The following MYCBP2 variants were observed in gnomAD, a reference collection of about 807,000 sequenced individuals.
MYCBP2 encodes the protein MYC binding protein 2.
In MYCBP2, 120 loss-of-function variants were observed where a neutral mutation model predicts 525.3. The observed-to-expected ratio is 0.23, with a 90% confidence interval of 0.20 to 0.27. MYCBP2 has a LOEUF of 0.27. MYCBP2 is among the 10% of genes least tolerant of loss of function. MYCBP2 has a pLI of 1.00. For synonymous variants in MYCBP2, 1,894 were observed against 1,955.8 expected (o/e 0.97, Z 0.83); for missense variants, 4,149 against 5,657.1 (o/e 0.73, Z 8.55).
In MYCBP2 at chr13:77,242,270, C is replaced by T. The variant is rs529143476; in HGVS notation, c.2629+789G>A. Among the ~76,000 whole-genome samples the T allele has an allele frequency of 1.1e-3, 165 of 152,228 alleles. 2 individuals carry two copies. The South Asian group carries it at 0.032, about 30-fold the overall frequency. On this transcript the variant is annotated intron_variant, in intron 17 of 82. Transcript: ENST00000544440. ...CTGGGACTACAGGCGCACACCACCA[C>T]GCCCAGCTAATTTTTTTGTACTTTT... is the stretch of plus-strand genomic sequence containing the variant.
chr13:77,280,646 A>C (rs994536464), intron 3 of MYCBP2, among the ~76,000 whole-genome samples: 5 of 152,344 alleles, frequency 3.3e-5, no homozygotes, highest in African/African-American at 1.2e-4. Flanking sequence ...GAACCTTGCC[A>C]GAAACAGTAA....
chr13:77,244,798 A>G (rs2154318575), intron 15 of MYCBP2, among the ~76,000 whole-genome samples: 1 of 152,290 alleles, frequency 6.6e-6, no homozygotes, highest in South Asian at 2.1e-4. Context: ...GAATCTACAA[A>G]GAACTTAAAC....
rs2061553270 is a variant in MYCBP2, at chr13:77,194,306, T to C, written c.3844-62A>G. ...AGCTATACATATCTGATGAACAATGTGTTCATAATTTTGTGCATGATGAAT... is the reference window on the plus strand; with the variant it reads ...AGCTATACATATCTGATGAACAATGCGTTCATAATTTTGTGCATGATGAAT... On this transcript the variant is annotated intron_variant, in intron 26 of 82. Transcript: ENST00000544440. 7.2e-6 allele frequency: 9 copies of C among 1,253,204 alleles called. No individual in the cohort carries two copies. The East Asian group carries it at 2.1e-4, about 29-fold the overall frequency. The allele number at this position is 1,253,204 out of a possible 1,614,324, so 77.6% of individuals were successfully genotyped here.
chr13:77,198,038 G>GA (rs916849032), intron 26 of MYCBP2, among the ~76,000 whole-genome samples: 2 of 151,282 alleles, frequency 1.3e-5, no homozygotes, highest in East Asian at 1.9e-4. Context: ...CTTAGAGCTA[G>GA]AAAAAAAAAT....
chr13:77,055,861 A>G, intron 79 of MYCBP2, 94 bp from the exon 80 acceptor site: 1 of 817,512 alleles, frequency 1.2e-6, no homozygotes, highest in Non-Finnish European at 1.9e-6. Context: ...ATTGTGCTAG[A>G]AGATAACCAG....
chr13:77,170,931 C>G (rs1431391732), intron 38 of MYCBP2, among the ~76,000 whole-genome samples: 2 of 152,020 alleles, frequency 1.3e-5, no homozygotes, highest in African/African-American at 4.8e-5. Flanking sequence ...AACTAAACAA[C>G]TAGATGGAGA....
At chr13:77,252,031 T>C (rs1294441212) in intron 14 of MYCBP2, among the ~76,000 whole-genome samples, 1 of 152,116 alleles carries the variant, frequency 6.6e-6, no homozygotes, top group Non-Finnish European at 1.5e-5. Context: ...CAGAAGTCAT[T>C]CCCTATTAAA....
Position 77,205,567 on chromosome 13 carries a change from G to C in MYCBP2, c.3621C>G (p.Asp1207Glu). 1.9e-6 allele frequency: 3 copies of C among 1,613,048 alleles called. No homozygotes were observed. In the Admixed American group the frequency reaches 5.0e-5, roughly 27 times the overall value. Residue 1207 changes from aspartate to glutamate, a missense_variant, in exon 25 of 83, where the codon GAC becomes GAG. This residue lies in a region of MYCBP2 where 620 missense variants were observed against 795.5 expected (regional missense o/e 0.78). Coordinates refer to ENST00000544440, the MANE Select transcript of MYCBP2 (RefSeq NM_015057.5). ...GCLDTLAAMQ[D>E]LKMGVASTEE... ...CTGTACTTGCAACACCCATTTTTAA[G>C]TCCTGCATAGCTGCCAAGGTATCAA...
chr13:77,065,967 C>A (rs755836711), intron 72 of MYCBP2, 25 bp downstream of exon 72: 4 of 1,581,616 alleles, frequency 2.5e-6, no homozygotes, highest in South Asian at 1.1e-5. Context: ...CACTTCACTG[C>A]CAAAACAGAA....
At chr13:77,186,112 A>C (rs2060687931) in intron 30 of MYCBP2, 49 bp from the exon 31 acceptor site, 1 of 1,316,218 alleles carries the variant, frequency 7.6e-7, no homozygotes, top group Non-Finnish European at 1.0e-6. Context: ...AAATGATACC[A>C]TAAACGGAAT....
intron 8 of MYCBP2, among the ~76,000 whole-genome samples, chr13:77,267,382 C>T (rs567038262): frequency 6.7e-6 from 1 of 149,968 alleles, no homozygotes; most frequent in Admixed American, 6.6e-5. Context: ...GTCTCTGAAA[C>T]CCCTTTAACA....
chr13:77,241,916 C>T (rs2068900813), intron 17 of MYCBP2, among the ~76,000 whole-genome samples: 1 of 152,074 alleles, frequency 6.6e-6, no homozygotes, highest in South Asian at 2.1e-4. Flanking sequence ...CATGCCATTT[C>T]TAATAAGCAT....
intron 79 of MYCBP2, among the ~76,000 whole-genome samples, chr13:77,056,526 T>A (rs1344751791): frequency 6.6e-6 from 1 of 152,194 alleles, no homozygotes; most frequent in African/African-American, 2.4e-5. Flanking sequence ...TACAAATGTG[T>A]CAAAATGCCA....
chr13:77,073,635 A>G lies in MYCBP2; in HGVS notation c.11824-2924T>C, dbSNP rs186036699. 2.4e-3 allele frequency among the ~76,000 whole-genome samples: 358 copies of G among 152,238 alleles called. 4 individuals carry two copies. Among genetic ancestry groups the G allele is most frequent in the African/African-American group, 8.4e-3 (348 of 41,572 alleles). ...TTGAAGACTACATGATTATCTAAGA[A>G]AACCCCAAAGAGTCTATAAAAAGTT... On this transcript the variant is annotated intron_variant, in intron 68 of 82. Transcript: ENST00000544440.
chr13:77,059,180 A>T (rs2038797543), intron 77 of MYCBP2, among the ~76,000 whole-genome samples: 1 of 152,198 alleles, frequency 6.6e-6, no homozygotes, highest in African/African-American at 2.4e-5. Context: ...AGGATTAAAG[A>T]ACTCTTAGAT....
rs1351830695 is a variant in MYCBP2 at position 77,093,319 on chromosome 13, T to C, written c.10213A>G (p.Asn3405Asp). The part of the protein sequence containing the change: ...LQTLARHHHE[N>D]FVGYQDDNLF... ...TTGTCATCTTGATAGCCCACAAAATTTTCATGATGATGCCTGCATTAAATC... is the reference window on the plus strand; with the variant it reads ...TTGTCATCTTGATAGCCCACAAAATCTTCATGATGATGCCTGCATTAAATC... Residue 3405 changes from asparagine to aspartate, a missense_variant, in exon 59 of 83, where the codon AAT (asparagine) becomes GAT (aspartate). Physicochemically the swap from Asn to Asp is conservative, Grantham distance 23. This residue lies in a region of MYCBP2 where 509 missense variants were observed against 789.4 expected (regional missense o/e 0.64). Coordinates refer to ENST00000544440, the MANE Select transcript of MYCBP2 (RefSeq NM_015057.5). The C allele has an allele frequency of 6.2e-7, 1 of 1,613,120 alleles. No individual in the cohort carries two copies.
rs1467442985 is a variant in MYCBP2, at chr13:77,139,334, G to A, written c.7521C>T (p.Ile2507=). 3 of 1,610,620 alleles carry A rather than the reference G, an allele frequency of 1.9e-6. No homozygotes were observed. In the African/African-American group the frequency reaches 4.0e-5, roughly 22 times the overall value. Residue 2507 remains isoleucine (I), a splice_region_variant and synonymous_variant, in exon 52 of 83, where the codon ATC becomes ATT. Coordinates refer to ENST00000544440, the MANE Select transcript of MYCBP2 (RefSeq NM_015057.5). ...VNGTITFIDE[I]HNDDGVWLRL... ...TCAGCCACACACCATCATCATTATGGATCTATAGAAAAAAGCAACAGAAAC... is the reference window on the plus strand; with the variant it reads ...TCAGCCACACACCATCATCATTATGAATCTATAGAAAAAAGCAACAGAAAC...
chr13:77,128,854 T>A (rs2052195730), intron 52 of MYCBP2, among the ~76,000 whole-genome samples: 3 of 151,982 alleles, frequency 2.0e-5, no homozygotes, highest in Admixed American at 2.0e-4. Context: ...AAAAGAGCCA[T>A]AAGGCCAGGA....
chr13:77,172,051 C>T (rs960468837), intron 37 of MYCBP2, among the ~76,000 whole-genome samples: 9 of 152,046 alleles, frequency 5.9e-5, no homozygotes, highest in Admixed American at 1.3e-4. Flanking sequence ...TAGGCATGCA[C>T]CACCACGCCC....
Sources: gnomAD v4.1 joint callset for allele counts (sites outside exome capture counted in the v4.1 genomes callset) on GRCh38, gnomAD v4.1.1 for gene constraint, gnomAD v4.1.1 regional missense constraint, MANE v1.5 for transcripts, NCBI Gene and HGNC (gene_info 2026-07-23, HGNC 2026-07-21) for gene names.